The following PPP6C variants were observed in gnomAD, a reference collection of about 807,000 sequenced individuals.
PPP6C encodes serine/threonine-protein phosphatase 6 catalytic subunit.
Under a neutral mutation model 39.8 loss-of-function variants are expected in PPP6C, and 11 were observed. The observed-to-expected ratio is 0.28, with a 90% CI of 0.17 to 0.46. The LOEUF (loss-of-function observed/expected upper bound fraction) is 0.46. Among genes scored for constraint, PPP6C ranks in the 20% least tolerant of loss-of-function variants. PPP6C has a pLI of 1.00. For missense variants in PPP6C, 211 were observed against 373.9 expected, an observed-to-expected ratio of 0.56 and a Z score of 3.59; for synonymous variants, 129 against 130.3, an observed-to-expected ratio of 0.99 and a Z score of 0.07.
intron 1 of PPP6C, chr9:125,189,071 C>G (rs1227507137): frequency 1.7e-5 from 12 of 700,132 alleles, no homozygotes; most frequent in Admixed American, 2.5e-5. Context: ...GCAAAACCGA[C>G]GATCCTAAAA....
chr9:125,181,807 G>A (rs1322249252), intron 1 of PPP6C, among the ~76,000 whole-genome samples: 2 of 152,058 alleles, frequency 1.3e-5, no homozygotes, highest in South Asian at 2.1e-4. Context: ...TAATCCTTTG[G>A]GTATATACCC....
intron 2 of PPP6C, among the ~76,000 whole-genome samples, chr9:125,161,484 C>T (rs745382359): frequency 6.6e-6 from 1 of 152,066 alleles, no homozygotes; most frequent in Non-Finnish European, 1.5e-5. Flanking sequence ...GGCTCTGTTA[C>T]CCAGGCCGGA....
Position 125,189,676 on chromosome 9 carries a change from G to A in PPP6C, c.43C>T (p.Leu15=), listed in dbSNP as rs769292672. 2.5e-6 allele frequency: 4 copies of A among 1,612,542 alleles called. No individual in the cohort carries two copies. The highest frequency in any genetic ancestry group is 3.4e-6 in the Non-Finnish European group (4 of 1,179,416). ...DLDKYVEIAR[L]CKYLPENDLK... is the part of the protein sequence containing the mutation. ...TCGTTCTCTGGCAGGTACTTGCACA[G>A]CCGCGCTATTTCCACATACTTGTCC... Residue 15 remains leucine (L), a synonymous_variant, in exon 1 of 7, where the codon CTG becomes TTG. Transcript: ENST00000373547.
rs768920755 is a variant in PPP6C, at chr9:125,163,517, G to A, written c.172-2611C>T. On this transcript the variant is annotated intron_variant, in intron 2 of 6. Coordinates refer to ENST00000373547, the MANE Select transcript of PPP6C (RefSeq NM_002721.5). ...GCGATCTCGGCTCACTGCATCCTCCGCCTCCCAGGTTCAAGTGATTCTCCT... is the reference window on the plus strand; with the variant it reads ...GCGATCTCGGCTCACTGCATCCTCCACCTCCCAGGTTCAAGTGATTCTCCT... Among the ~76,000 whole-genome samples, 4 of 151,734 alleles carry A rather than the reference G, an allele frequency of 2.6e-5. No homozygotes were observed. The East Asian group carries it at 7.8e-4, about 29-fold the overall frequency.
intron 6 of PPP6C, among the ~76,000 whole-genome samples, chr9:125,152,188 T>G (rs1329501551): frequency 6.6e-6 from 1 of 152,116 alleles, no homozygotes. Context: ...TGATCCATCA[T>G]CATCTGCTTG....
At chr9:125,163,580 G>A (rs1828938128) in intron 2 of PPP6C, among the ~76,000 whole-genome samples, 1 of 151,076 alleles carries the variant, frequency 6.6e-6, no homozygotes, top group Non-Finnish European at 1.5e-5. Context: ...ACAGGCGCGT[G>A]CCAACAGCCC....
At chr9:125,185,816 C>G (rs146548055) in intron 1 of PPP6C, among the ~76,000 whole-genome samples, 1 of 151,816 alleles carries the variant, frequency 6.6e-6, no homozygotes, top group Non-Finnish European at 1.5e-5. Context: ...GAAACCTGGT[C>G]TCTACTAAAA....
intron 3 of PPP6C, among the ~76,000 whole-genome samples, chr9:125,159,127 T>G (rs1377917122): frequency 6.7e-6 from 1 of 148,862 alleles, no homozygotes; most frequent in Non-Finnish European, 1.5e-5. Context: ...CAACCTCCCC[T>G]TCCTGGATTC....
intron 3 of PPP6C, among the ~76,000 whole-genome samples, chr9:125,158,653 C>G (rs1836140206): frequency 6.6e-6 from 1 of 151,776 alleles, no homozygotes; most frequent in African/African-American, 2.4e-5. Flanking sequence ...AAAAAAACCA[C>G]CATTTTTTTT....
At chr9:125,152,381 T>C (rs1209940075) in intron 6 of PPP6C, among the ~76,000 whole-genome samples, 2 of 152,188 alleles carry the variant, frequency 1.3e-5, no homozygotes, top group Non-Finnish European at 2.9e-5. Context: ...TGATTTGCTG[T>C]AGCTTGATCT....
At chr9:125,172,795 C>A in intron 1 of PPP6C, among the ~76,000 whole-genome samples, 1 of 151,436 alleles carries the variant, frequency 6.6e-6, no homozygotes, top group East Asian at 1.9e-4. Context: ...CTGAAGAAAT[C>A]TGAACATCAT....
intron 1 of PPP6C, among the ~76,000 whole-genome samples, chr9:125,173,564 T>C (rs114830275): frequency 0.015 from 2,288 of 151,148 alleles, 108 homozygotes; most frequent in Admixed American, 0.082. Context: ...GGAAACAGGG[T>C]GAGACTCTTT....
At chr9:125,182,812 C>T (rs1829446161) in intron 1 of PPP6C, among the ~76,000 whole-genome samples, 1 of 150,364 alleles carries the variant, frequency 6.7e-6, no homozygotes, top group African/African-American at 2.5e-5. Flanking sequence ...CCAAAAATGT[C>T]TCCAGACACT....
chr9:125,165,393 C>A (rs1368898209), intron 2 of PPP6C, among the ~76,000 whole-genome samples: 1 of 151,818 alleles, frequency 6.6e-6, no homozygotes, highest in African/African-American at 2.4e-5. Context: ...GAGTGAAATT[C>A]CATCTCAAAA....
chr9:125,165,280 T>G (rs1828988273), intron 2 of PPP6C, among the ~76,000 whole-genome samples: 2 of 152,028 alleles, frequency 1.3e-5, no homozygotes, highest in African/African-American at 4.8e-5. Flanking sequence ...ACACCTGTAA[T>G]CCCAGCTACT....
At chr9:125,170,994 T>C (rs933447664) in intron 2 of PPP6C, 91 bp downstream of exon 2, 7 of 782,768 alleles carry the variant, frequency 8.9e-6, no homozygotes, top group Non-Finnish European at 1.1e-5. Context: ...TGTTTGTTGA[T>C]GTTGTTGTTG....
chr9:125,176,385 G>A (rs1226807193), intron 1 of PPP6C, among the ~76,000 whole-genome samples: 1 of 152,174 alleles, frequency 6.6e-6, no homozygotes, highest in East Asian at 1.9e-4. Flanking sequence ...GCCAGGCGTG[G>A]TGGCTCACAC....
intron 4 of PPP6C, among the ~76,000 whole-genome samples, chr9:125,156,660 T>C (rs1482625812): frequency 1.3e-5 from 2 of 151,834 alleles, no homozygotes; most frequent in Non-Finnish European, 2.9e-5. Flanking sequence ...AATCTCTCAA[T>C]ATCTGTCTTA....
intron 6 of PPP6C, among the ~76,000 whole-genome samples, chr9:125,151,986 A>T (rs1835958823): frequency 6.6e-6 from 1 of 152,114 alleles, no homozygotes; most frequent in African/African-American, 2.4e-5. Context: ...CCCATGTGTG[A>T]GCAGTTCTCC....
Sources: gnomAD v4.1 joint callset for allele counts (sites outside exome capture counted in the v4.1 genomes callset) on GRCh38, gnomAD v4.1.1 for gene constraint, MANE v1.5 for transcripts, NCBI Gene and HGNC (gene_info 2026-07-23, HGNC 2026-07-21) for gene names.